HSD17B11: variants seen among roughly 807,000 people sequenced by gnomAD.
The protein encoded by HSD17B11 is hydroxysteroid 17-beta dehydrogenase 11.
A neutral mutation model predicts 27.8 loss-of-function variants in HSD17B11; 22 were observed. That is an observed-to-expected ratio of 0.79 (90% CI 0.56 to 1.13). The LOEUF (loss-of-function observed/expected upper bound fraction) is 1.13. HSD17B11 is among the 50% of genes most tolerant of loss of function. The pLI, the probability that HSD17B11 is intolerant of heterozygous loss-of-function variation, is 0.00. For missense variants in HSD17B11, 314 were observed against 351.1 expected (o/e 0.89, Z 0.84); for synonymous variants, 117 against 132.8 (o/e 0.88, Z 0.82).
At chr4:87,380,774 G>C (rs1323062710) in intron 2 of HSD17B11, among the ~76,000 whole-genome samples, 1 of 147,336 alleles carries the variant, frequency 6.8e-6, no homozygotes, top group Non-Finnish European at 1.5e-5. Context: ...AGGAGAATGG[G>C]GTGAACCCGG....
At chr4:87,341,372 A>G (rs1399857066) in intron 5 of HSD17B11, among the ~76,000 whole-genome samples, 1 of 152,070 alleles carries the variant, frequency 6.6e-6, no homozygotes, top group Non-Finnish European at 1.5e-5. Context: ...GGGTTTCACC[A>G]TATTGCCCAG....
chr4:87,339,704 T>C (rs1735128813), intron 6 of HSD17B11, among the ~76,000 whole-genome samples: 1 of 152,140 alleles, frequency 6.6e-6, no homozygotes, highest in South Asian at 2.1e-4. Context: ...GTGAAACTAG[T>C]GGTTTCCAAT....
At chr4:87,365,073 G>A (rs539070223) in intron 4 of HSD17B11, among the ~76,000 whole-genome samples, 6 of 152,308 alleles carry the variant, frequency 3.9e-5, no homozygotes, top group African/African-American at 7.2e-5. Flanking sequence ...GGAGGCTGAG[G>A]CATGAGAATC....
At chr4:87,346,396 C>T (rs1200200388) in intron 5 of HSD17B11, among the ~76,000 whole-genome samples, 1 of 152,166 alleles carries the variant, frequency 6.6e-6, no homozygotes, top group Admixed American at 6.6e-5. Flanking sequence ...CGACTGTAAT[C>T]CCAACACTTT....
chr4:87,373,510 G>A (rs567473222), intron 3 of HSD17B11, among the ~76,000 whole-genome samples: 1 of 151,894 alleles, frequency 6.6e-6, no homozygotes, highest in South Asian at 2.1e-4. Context: ...AGGAGCTCGA[G>A]ATCAGCCTGT....
At chr4:87,380,718 C>T (rs1720133422) in intron 2 of HSD17B11, among the ~76,000 whole-genome samples, 1 of 151,136 alleles carries the variant, frequency 6.6e-6, no homozygotes, top group South Asian at 2.1e-4. Context: ...ATTAGCCAAG[C>T]GTGGTGACGG....
Position 87,340,608 on chromosome 4 carries a change from T to C in HSD17B11, c.696-2A>G. ...TCAGGTTCCAGAGTGGGTCCCAAAC[T>C]GAAATCAGAGTCAGTCTTCAGAAAC... is the stretch of plus-strand genomic sequence containing the variant. On this transcript the variant is annotated splice_acceptor_variant, in intron 5 of 6. Transcript: ENST00000358290. LOFTEE classifies it high-confidence loss of function. 6.3e-7 allele frequency: 1 copy of C among 1,598,574 alleles called. No individual in the cohort carries two copies. Among genetic ancestry groups the C allele is most frequent in the Non-Finnish European group, 8.6e-7 (1 of 1,168,602 alleles).
rs1339440989 is a variant in HSD17B11, at chr4:87,357,385, T to A, written c.589A>T (p.Lys197Ter). ...SSKFAAVGFH[K>*]TLTDELAALQ... Reference sequence around the variant, plus strand: ...GCAGCCAGTTCATCTGTCAAAGTTTTATGAAATCCAACAGCAGCAAACTTG... The same window carrying A: ...GCAGCCAGTTCATCTGTCAAAGTTTAATGAAATCCAACAGCAGCAAACTTG... Residue 197 changes from lysine to a stop codon, truncating the protein, a stop_gained, in exon 5 of 7, where the codon AAA becomes TAA. Coordinates refer to ENST00000358290, the MANE Select transcript of HSD17B11 (RefSeq NM_016245.5). LOFTEE classifies it high-confidence loss of function. 1 of 1,613,598 alleles carries A rather than the reference T, an allele frequency of 6.2e-7. No individual in the cohort carries two copies. Among genetic ancestry groups the A allele is most frequent in the South Asian group, 1.1e-5 (1 of 90,850 alleles).
intron 1 of HSD17B11, chr4:87,386,044 T>C (rs571349296): frequency 6.6e-6 from 1 of 152,156 alleles, no homozygotes; most frequent in Admixed American, 6.6e-5. Flanking sequence ...GATTTGCTTA[T>C]TACTGGTTGG....
At chr4:87,362,842 TG>T (rs1375556017) in intron 4 of HSD17B11, among the ~76,000 whole-genome samples, 8 of 152,250 alleles carry the variant, frequency 5.3e-5, no homozygotes, top group African/African-American at 1.7e-4. Flanking sequence ...CTGCAATAGG[TG>T]GGTCTTTCTC....
Position 87,391,165 on chromosome 4 carries a change from T to A in HSD17B11, c.-95A>T. The A allele has an allele frequency of 1.1e-6, 1 of 877,466 alleles. No individual in the cohort carries two copies. The allele number at this position is 877,466 out of a possible 1,614,324, so 54.4% of individuals were successfully genotyped here. A position where few individuals can be genotyped will look rare whatever the true frequency, so the allele number is the denominator to read the frequency against. On this transcript the variant is annotated 5_prime_UTR_variant, in exon 1 of 7. Coordinates refer to ENST00000358290, the MANE Select transcript of HSD17B11 (RefSeq NM_016245.5). ...TAGCTCGATCTAACACCAGAAAGAG[T>A]AGGGGCGAGAGCAAGGAGGAACTCC...
At chr4:87,363,284 G>A (rs1220858573) in intron 4 of HSD17B11, among the ~76,000 whole-genome samples, 1 of 152,084 alleles carries the variant, frequency 6.6e-6, no homozygotes, top group African/African-American at 2.4e-5. Context: ...CTCTCTCTCT[G>A]TGCAAACAGT....
chr4:87,372,887 AAACAAAAGTAT>A, intron 3 of HSD17B11, 72 bp from the exon 4 acceptor site: 1 of 905,282 alleles, frequency 1.1e-6, no homozygotes, highest in Non-Finnish European at 1.7e-6. Flanking sequence ...GAATATTTTG[AAACAAAAGTAT>A]ATTTTTTAAC....
chr4:87,372,809 T>C lies in HSD17B11; in HGVS notation c.457A>G (p.Lys153Glu). 6.3e-7 allele frequency: 1 copy of C among 1,599,526 alleles called. No homozygotes were observed. Among genetic ancestry groups the C allele is most frequent in the Non-Finnish European group, 8.6e-7 (1 of 1,168,498 alleles). Reference sequence around the variant, plus strand: ...TTCGTCATTGCAGGAAGAAATGCCTTTGTAGTCTACAAATAGTTTTTATTA... The same window carrying C: ...TTCGTCATTGCAGGAAGAAATGCCTCTGTAGTCTACAAATAGTTTTTATTA... ...VNVLAHFWTTKAFLPAMTKNN... is the reference protein window; with the variant it reads ...VNVLAHFWTTEAFLPAMTKNN... Residue 153 changes from lysine (K) to glutamate (E), a missense_variant, in exon 4 of 7, where the codon AAG (lysine) becomes GAG (glutamate). Transcript: ENST00000358290.
chr4:87,343,202 C>T (rs796256441), intron 5 of HSD17B11, among the ~76,000 whole-genome samples: 30 of 152,142 alleles, frequency 2.0e-4, no homozygotes, highest in African/African-American at 7.2e-4. Context: ...AATGACTGTT[C>T]AATATCATAA....
intron 5 of HSD17B11, among the ~76,000 whole-genome samples, chr4:87,346,609 C>T (rs1292752268): frequency 6.6e-6 from 1 of 152,116 alleles, no homozygotes; most frequent in African/African-American, 2.4e-5. Flanking sequence ...GGGATCATGC[C>T]ACTGCACTCT....
chr4:87,353,731 A>G (rs558689999), intron 5 of HSD17B11, among the ~76,000 whole-genome samples: 55 of 152,084 alleles, frequency 3.6e-4, no homozygotes, highest in South Asian at 1.0e-3. Flanking sequence ...GCGGCCTTGT[A>G]GGGGGGGCAA....
At chr4:87,375,736 C>T (rs556486107) in intron 2 of HSD17B11, among the ~76,000 whole-genome samples, 21 of 152,274 alleles carry the variant, frequency 1.4e-4, no homozygotes, top group African/African-American at 4.3e-4. Flanking sequence ...AGCAAAACTC[C>T]GTCTCAAAAA....
chr4:87,363,034 T>C (rs1735546300), intron 4 of HSD17B11, among the ~76,000 whole-genome samples: 1 of 152,190 alleles, frequency 6.6e-6, no homozygotes, highest in South Asian at 2.1e-4. Context: ...TGGGGGTAAA[T>C]TTAAGCCTTG....
Sources: gnomAD v4.1 joint callset for allele counts (sites outside exome capture counted in the v4.1 genomes callset) on GRCh38, gnomAD v4.1.1 for gene constraint, MANE v1.5 for transcripts, NCBI Gene and HGNC (gene_info 2026-07-23, HGNC 2026-07-21) for gene names.